Variants in CEP57 observed in about 807,000 individuals in gnomAD.
CEP57 encodes the protein centrosomal protein 57.
In CEP57, 40 loss-of-function variants were observed where a neutral mutation model predicts 68.0. The observed-to-expected ratio is 0.59, with a 90% CI of 0.46 to 0.77. The LOEUF (loss-of-function observed/expected upper bound fraction) is 0.77. CEP57 is among the 30% of genes least tolerant of loss of function. The probability of loss-of-function intolerance (pLI) is 0.00; values close to 1 mark genes in which losing one functional copy is unlikely to be tolerated. For missense variants in CEP57, 606 were observed against 580.7 expected (o/e 1.04, Z -0.45); for synonymous variants, 219 against 198.7 (o/e 1.10, Z -0.86).
chr11:95,807,633 A>T (rs1861865110), intron 2 of CEP57, among the ~76,000 whole-genome samples: 1 of 152,212 alleles, frequency 6.6e-6, no homozygotes, highest in Non-Finnish European at 1.5e-5. Context: ...TTGAAGATCA[A>T]ATGAATGAAA....
intron 8 of CEP57, chr11:95,825,553 A>G (rs1231833658): frequency 6.6e-6 from 1 of 152,010 alleles, no homozygotes; most frequent in Non-Finnish European, 1.5e-5. Flanking sequence ...ACATTAGATA[A>G]TCTGACAGAA....
chr11:95,818,147 C>G, intron 5 of CEP57: 2 of 392,334 alleles, frequency 5.1e-6, no homozygotes, highest in South Asian at 4.4e-5. Context: ...CGTGGTGGCT[C>G]ACGCCTGTAA....
chr11:95,804,151 A>G (rs1392961762), intron 2 of CEP57, among the ~76,000 whole-genome samples: 2 of 152,238 alleles, frequency 1.3e-5, no homozygotes, highest in African/African-American at 4.8e-5. Context: ...AAAACCTGAA[A>G]TAAAATGAAA....
At chr11:95,812,340 C>G (rs1862101809) in intron 2 of CEP57, among the ~76,000 whole-genome samples, 1 of 152,038 alleles carries the variant, frequency 6.6e-6, no homozygotes, top group East Asian at 1.9e-4. Flanking sequence ...TTTTTTACCA[C>G]TTTATAAAAG....
rs1862366348 is a variant in CEP57, at chr11:95,817,885, A to G, written c.603A>G (p.Thr201=). 1.2e-6 allele frequency: 2 copies of G among 1,611,732 alleles called. No homozygotes were observed. Among genetic ancestry groups the G allele is most frequent in the East Asian group, 2.2e-5 (1 of 44,832 alleles). The change falls in exon 5 of 11, where the codon ACA becomes ACG. Residue 201 remains threonine (T), a synonymous_variant. Transcript: ENST00000325542. ...LLEQEYNKLT[T]MQALAEKKMQ... ...AACAGGAGTATAACAAACTTACCAC[A>G]ATGCAGGCCCTTGCAGAAGTCAGTG... is the stretch of plus-strand genomic sequence containing the variant.
intron 2 of CEP57, among the ~76,000 whole-genome samples, chr11:95,807,507 C>G: frequency 6.6e-6 from 1 of 152,148 alleles, no homozygotes; most frequent in East Asian, 1.9e-4. Flanking sequence ...GAATAAACAG[C>G]GTAGAGAAGA....
At chr11:95,813,352 C>T (rs1481949105) in intron 3 of CEP57, 116 bp from the exon 4 acceptor site, 29 of 1,290,168 alleles carry the variant, frequency 2.2e-5, no homozygotes, top group Non-Finnish European at 3.0e-5. Flanking sequence ...AAAAGGCGTC[C>T]AGGTCTGTGG....
chr11:95,806,606 A>G (rs192325723), intron 2 of CEP57, among the ~76,000 whole-genome samples: 44 of 152,292 alleles, frequency 2.9e-4, no homozygotes, highest in African/African-American at 9.6e-4. Context: ...TCCCATGCCC[A>G]TGGAGCCTCA....
intron 1 of CEP57, 113 bp downstream of exon 1, chr11:95,790,856 C>T (rs974841888): frequency 1.4e-5 from 18 of 1,250,274 alleles, no homozygotes; most frequent in Non-Finnish European, 1.6e-5. Context: ...TGGAGGTCGG[C>T]GGGAATGCCT....
chr11:95,790,420 A>G (rs1007542161), upstream of CEP57: 2 of 538,262 alleles, frequency 3.7e-6, no homozygotes, highest in Non-Finnish European at 3.3e-6. Context: ...ACCAGGGAAG[A>G]GGCGGATTCT....
At chr11:95,823,904 G>A (rs1469219128) in intron 8 of CEP57, among the ~76,000 whole-genome samples, 2 of 151,884 alleles carry the variant, frequency 1.3e-5, no homozygotes, top group East Asian at 1.9e-4. Flanking sequence ...TAATATCATG[G>A]GACCCATATC....
chr11:95,821,468 AG>A (rs1253940522), intron 6 of CEP57, among the ~76,000 whole-genome samples: 1 of 152,162 alleles, frequency 6.6e-6, no homozygotes, highest in East Asian at 1.9e-4. Context: ...CTTTTTAGAA[AG>A]GGAAGAAATG....
intron 6 of CEP57, among the ~76,000 whole-genome samples, chr11:95,820,367 CTGAGGTCAGGAGTT>C (rs550618071): frequency 7.5e-4 from 114 of 152,036 alleles, no homozygotes; most frequent in Admixed American, 4.3e-3. Flanking sequence ...GAGTGGTCTG[CTGAGGTCAGGAGTT>C]TGAGGTCAGG....
chr11:95,827,931 A>C lies in CEP57; in HGVS notation c.1031A>C (p.Lys344Thr). 2 of 1,614,178 alleles carry C rather than the reference A, an allele frequency of 1.2e-6. No individual in the cohort carries two copies. Among genetic ancestry groups the C allele is most frequent in the Non-Finnish European group, 1.7e-6 (2 of 1,180,018 alleles). Residue 344 changes from lysine to threonine, a missense_variant, in exon 9 of 11, where the codon AAG becomes ACG. Lys to Thr is a moderately conservative substitution (Grantham distance 78, BLOSUM62 -1). Coordinates refer to ENST00000325542, the MANE Select transcript of CEP57 (RefSeq NM_014679.5). ...KQVSSRGGKS[K>T]KLSVTPPSSN... ...GTATCTTCACGAGGTGGTAAAAGTA[A>C]GAAGTTGTCAGTAACACCTCCCTCC...
chr11:95,824,155 A>G (rs1212062751), intron 8 of CEP57, among the ~76,000 whole-genome samples: 1 of 151,368 alleles, frequency 6.6e-6, no homozygotes, highest in African/African-American at 2.4e-5. Flanking sequence ...CTGACAGAAG[A>G]GGATCACTGT....
rs117154762 is a variant in CEP57, at chr11:95,801,248, G to A, written c.202+1860G>A. Among the ~76,000 whole-genome samples, 1,269 of 152,190 alleles carry A rather than the reference G, an allele frequency of 8.3e-3. 8 individuals carry two copies. Among genetic ancestry groups the A allele is most frequent in the Middle Eastern group, 0.014 (4 of 294 alleles). On this transcript the variant is annotated intron_variant, in intron 2 of 10. Coordinates refer to ENST00000325542, the MANE Select transcript of CEP57 (RefSeq NM_014679.5). Reference sequence around the variant, plus strand: ...ACTGAAATAAAAGTAACTAAATAGTGTGATGTCTTTTAAGAATTTTAGTAC... The same window carrying A: ...ACTGAAATAAAAGTAACTAAATAGTATGATGTCTTTTAAGAATTTTAGTAC...
intron 1 of CEP57, among the ~76,000 whole-genome samples, chr11:95,797,920 G>T (rs1565310778): frequency 6.6e-6 from 1 of 152,168 alleles, no homozygotes; most frequent in Non-Finnish European, 1.5e-5. Context: ...ATGAAAACTT[G>T]AGGTTCTCTG....
chr11:95,811,442 A>T, intron 2 of CEP57, among the ~76,000 whole-genome samples: 1 of 29,594 alleles, frequency 3.4e-5, no homozygotes, highest in South Asian at 1.3e-3. Flanking sequence ...GGTTGGGGGG[A>T]GGGGGGAGGG....
intron 4 of CEP57, 89 bp downstream of exon 4, chr11:95,813,678 A>C: frequency 6.6e-7 from 1 of 1,509,074 alleles, no homozygotes; most frequent in Non-Finnish European, 9.1e-7. Context: ...GGTGAGGATT[A>C]ATGGTGCTGT....
Sources: gnomAD v4.1 joint callset for allele counts (sites outside exome capture counted in the v4.1 genomes callset) on GRCh38, gnomAD v4.1.1 for gene constraint, MANE v1.5 for transcripts, NCBI Gene and HGNC (gene_info 2026-07-23, HGNC 2026-07-21) for gene names.